PALM2AKAP2: variants seen among roughly 807,000 people sequenced by gnomAD.
The protein encoded by PALM2AKAP2 is PALM2 and AKAP2 fusion, also known as PALM2-AKAP2 fusion protein.
In PALM2AKAP2, 37 loss-of-function variants were observed where a neutral mutation model predicts 71.5. The ratio of observed to expected loss-of-function variants is 0.52; its 90% confidence interval spans 0.40 to 0.68. The LOEUF (loss-of-function observed/expected upper bound fraction) is 0.68, where lower values mean the gene tolerates loss of function less well. Among genes scored for constraint, PALM2AKAP2 ranks in the 30% least tolerant of loss-of-function variants. The pLI is 0.00. For synonymous variants in PALM2AKAP2, 468 were observed against 478.8 expected, an observed-to-expected ratio of 0.98 and a Z score of 0.29; for missense variants, 1,224 against 1,191.8, an observed-to-expected ratio of 1.03 and a Z score of -0.40.
chr9:110,080,128 A>T (rs1166003368), intron 1 of PALM2AKAP2, among the ~76,000 whole-genome samples: 2 of 150,938 alleles, frequency 1.3e-5, no homozygotes, highest in East Asian at 3.9e-4. Context: ...TGAAAAATCA[A>T]CTTTGTTCTT....
At chr9:109,807,182 G>T (rs191747660) in intron 1 of PALM2AKAP2, among the ~76,000 whole-genome samples, 3 of 152,318 alleles carry the variant, frequency 2.0e-5, no homozygotes, top group Admixed American at 2.0e-4. Flanking sequence ...CAAAGGTTTT[G>T]AGGTAAGCAA....
chr9:110,157,390 TTTG>T (rs56310157), intron 3 of PALM2AKAP2, among the ~76,000 whole-genome samples: 22 of 149,802 alleles, frequency 1.5e-4, no homozygotes, highest in South Asian at 4.3e-4. Context: ...CTTCAACTCT[TTTG>T]TTGTTGTTGT....
intron 1 of PALM2AKAP2, among the ~76,000 whole-genome samples, chr9:109,805,702 C>G (rs985801655): frequency 1.3e-5 from 2 of 152,160 alleles, no homozygotes; most frequent in Non-Finnish European, 2.9e-5. Context: ...CAAGATGCAG[C>G]GACTGAATAG....
At chr9:109,640,821 G>C (rs1329393873) in exon 1 of PALM2AKAP2, 1 of 1,512,962 alleles carries the variant, frequency 6.6e-7, no homozygotes, top group Admixed American at 2.1e-5. Context: ...GAGCAGCGCC[G>C]GTGAGCCCCG....
intron 1 of PALM2AKAP2, among the ~76,000 whole-genome samples, chr9:110,060,300 A>G (rs1010461429): frequency 6.6e-6 from 1 of 152,076 alleles, no homozygotes; most frequent in Admixed American, 6.6e-5. Flanking sequence ...TCTAATATTC[A>G]CCATGTTGGC....
intron 1 of PALM2AKAP2, among the ~76,000 whole-genome samples, chr9:110,114,208 G>C (rs559890092): frequency 1.3e-5 from 2 of 152,270 alleles, no homozygotes; most frequent in South Asian, 4.1e-4. Context: ...CTTTCTCCTA[G>C]CTTCTCGTGG....
At chr9:110,164,456 G>A (rs185606847) in intron 3 of PALM2AKAP2, among the ~76,000 whole-genome samples, 2 of 149,330 alleles carry the variant, frequency 1.3e-5, no homozygotes, top group East Asian at 3.9e-4. Context: ...AGAGATAATT[G>A]TTTTTTATTC....
intron 1 of PALM2AKAP2, among the ~76,000 whole-genome samples, chr9:109,692,738 G>A (rs1168884911): frequency 6.6e-6 from 1 of 151,966 alleles, no homozygotes; most frequent in Non-Finnish European, 1.5e-5. Flanking sequence ...AATTACATTA[G>A]TAAATTAATT....
At chr9:109,943,457 C>G in intron 6 of PALM2AKAP2, 1 of 1,567,906 alleles carries the variant, frequency 6.4e-7, no homozygotes. Context: ...TTCTGGGCAG[C>G]CTGTACTCTC....
chr9:109,775,396 T>G (rs1319987978), upstream of PALM2AKAP2, among the ~76,000 whole-genome samples: 1 of 152,214 alleles, frequency 6.6e-6, no homozygotes, highest in Non-Finnish European at 1.5e-5. Context: ...CTTTCTATCT[T>G]CTTGCTCCAT....
chr9:110,154,811 TA>T (rs1411491932), intron 2 of PALM2AKAP2, among the ~76,000 whole-genome samples: 3 of 151,902 alleles, frequency 2.0e-5, no homozygotes, highest in Non-Finnish European at 4.4e-5. Context: ...CTAAATACCT[TA>T]AAAAAAATCA....
intron 3 of PALM2AKAP2, among the ~76,000 whole-genome samples, chr9:109,907,163 T>C (rs554647231): frequency 3.9e-5 from 6 of 152,326 alleles, no homozygotes; most frequent in Admixed American, 3.9e-4. Flanking sequence ...ACTCAGACTC[T>C]CTTCTTTGCA....
intron 1 of PALM2AKAP2, among the ~76,000 whole-genome samples, chr9:109,679,050 G>C (rs1007144205): frequency 6.6e-6 from 1 of 152,136 alleles, no homozygotes; most frequent in African/African-American, 2.4e-5. Context: ...TGCACCAAAA[G>C]CTTTGCCTCT....
intron 1 of PALM2AKAP2, among the ~76,000 whole-genome samples, chr9:110,111,769 A>G (rs1189715789): frequency 6.6e-6 from 1 of 152,098 alleles, no homozygotes; most frequent in Non-Finnish European, 1.5e-5. Flanking sequence ...AAAAAAATGG[A>G]AGGATGAACA....
intron 1 of PALM2AKAP2, among the ~76,000 whole-genome samples, chr9:110,056,417 C>T (rs1379001982): frequency 6.6e-6 from 1 of 152,164 alleles, no homozygotes; most frequent in African/African-American, 2.4e-5. Flanking sequence ...GGAGGAATGA[C>T]TTTCCCAAAG....
intron 2 of PALM2AKAP2, among the ~76,000 whole-genome samples, chr9:110,144,043 GAA>G (rs1836101581): frequency 6.6e-6 from 1 of 152,188 alleles, no homozygotes; most frequent in Non-Finnish European, 1.5e-5. Flanking sequence ...TATCACAAAG[GAA>G]AGTCTTAGGA....
exon 3 of PALM2AKAP2, chr9:109,880,558 T>C: frequency 6.2e-7 from 1 of 1,612,768 alleles, no homozygotes; most frequent in Non-Finnish European, 8.5e-7. Context: ...CAGTCCAAAG[T>C]GCTTCGGGAG....
intron 1 of PALM2AKAP2, among the ~76,000 whole-genome samples, chr9:109,766,283 G>T (rs1829152770): frequency 1.3e-5 from 2 of 152,158 alleles, no homozygotes; most frequent in African/African-American, 4.8e-5. Flanking sequence ...CCTGTTTTTG[G>T]CACAAATGAT....
intron 1 of PALM2AKAP2, among the ~76,000 whole-genome samples, chr9:110,055,141 A>G (rs1025320007): frequency 6.6e-6 from 1 of 150,646 alleles, no homozygotes; most frequent in Non-Finnish European, 1.5e-5. Flanking sequence ...ATGGACCGCA[A>G]TTTTCAGAAC....
Sources: allele counts gnomAD v4.1 joint callset (sites outside exome capture counted in the v4.1 genomes callset), GRCh38; gene constraint gnomAD v4.1.1; transcripts MANE v1.5; gene names NCBI Gene and HGNC (gene_info 2026-07-23, HGNC 2026-07-21).